Variants in ESR2 observed in about 807,000 individuals in gnomAD.
ESR2 encodes the protein estrogen receptor 2, also known as estrogen receptor beta.
ESR2 carries 36 observed loss-of-function variants against 49.6 expected under a neutral mutation model. The ratio of observed to expected loss-of-function variants is 0.73; its 90% CI spans 0.56 to 0.96. The LOEUF is 0.96. Ranked by LOEUF, ESR2 falls within the 40% of genes least tolerant of loss-of-function variation. ESR2 has a pLI of 0.00. For synonymous variants in ESR2, 320 were observed against 266.1 expected (o/e 1.20, Z -1.97); for missense variants, 714 against 693.0 (o/e 1.03, Z -0.34).
At chr14:64,326,691 A>G (rs1262967873) in intron 1 of ESR2, among the ~76,000 whole-genome samples, 1 of 152,164 alleles carries the variant, frequency 6.6e-6, no homozygotes, top group East Asian at 1.9e-4. Flanking sequence ...TCCAAAAACA[A>G]CCCTGGATTT....
At chr14:64,234,874 C>T in intron 8 of ESR2, 96 bp downstream of exon 8, 1 of 1,541,248 alleles carries the variant, frequency 6.5e-7, no homozygotes, top group Non-Finnish European at 8.8e-7. Context: ...ATTCATTTTC[C>T]TTAACTTGCA....
chr14:64,320,078 C>A (rs917882134), intron 1 of ESR2, among the ~76,000 whole-genome samples: 1 of 150,968 alleles, frequency 6.6e-6, no homozygotes, highest in South Asian at 2.1e-4. Context: ...TAAGTCTGCA[C>A]AACAGAATAT....
Position 64,286,191 on chromosome 14 carries a change from C to G in ESR2, c.-90-3116G>C, listed in dbSNP as rs1208714384. 2.6e-5 allele frequency among the ~76,000 whole-genome samples: 4 copies of G among 151,886 alleles called. No homozygotes were observed. In the East Asian group the frequency reaches 5.8e-4, roughly 22 times the overall value. Reference sequence around the variant, plus strand: ...CAACATTGTAAATCAAAAATTTGGACCAAGGAGAGGAGAGAGAATGGTAGC... The same window carrying G: ...CAACATTGTAAATCAAAAATTTGGAGCAAGGAGAGGAGAGAGAATGGTAGC... On this transcript the variant is annotated intron_variant, in intron 1 of 8. Coordinates refer to ENST00000341099, the MANE Select transcript of ESR2 (RefSeq NM_001437.3).
At chr14:64,271,362 G>A (rs1261445385) in intron 3 of ESR2, among the ~76,000 whole-genome samples, 1 of 151,922 alleles carries the variant, frequency 6.6e-6, no homozygotes, top group Non-Finnish European at 1.5e-5. Flanking sequence ...GTCTCTCTCT[G>A]TCACCCAGGC....
At chr14:64,296,891 C>T (rs2076963825), upstream of ESR2, among the ~76,000 whole-genome samples, 1 of 152,146 alleles carries the variant, frequency 6.6e-6, no homozygotes. Flanking sequence ...GACAATGGTA[C>T]CCAGAGATGG....
intron 7 of ESR2, among the ~76,000 whole-genome samples, chr14:64,239,421 T>A (rs1168071044): frequency 6.6e-6 from 1 of 152,254 alleles, no homozygotes; most frequent in Non-Finnish European, 1.5e-5. Context: ...TTTCCTGGCT[T>A]AACCCCTCTA....
At chr14:64,318,330 A>C (rs1292272213) in intron 1 of ESR2, among the ~76,000 whole-genome samples, 3 of 151,854 alleles carry the variant, frequency 2.0e-5, no homozygotes, top group Admixed American at 1.3e-4. Flanking sequence ...TGAGGTTAGG[A>C]GTTCGAGACC....
intron 1 of ESR2, among the ~76,000 whole-genome samples, chr14:64,290,033 G>A (rs17179740): frequency 0.43 from 65,654 of 151,954 alleles, 14,813 homozygotes; most frequent in African/African-American, 0.54. Context: ...TAAGCAACAA[G>A]CATCCTTGAT....
At chr14:64,233,572 A>G (rs1266612085) in intron 8 of ESR2, 10 of 495,514 alleles carry the variant, frequency 2.0e-5, no homozygotes, top group Middle Eastern at 5.3e-4. Flanking sequence ...AGGACAATCA[A>G]TCCTCATTGT....
At chr14:64,311,619 G>A (rs1317822723) in intron 1 of ESR2, among the ~76,000 whole-genome samples, 2 of 150,604 alleles carry the variant, frequency 1.3e-5, no homozygotes, top group Non-Finnish European at 3.0e-5. Flanking sequence ...CTCCAGCCTG[G>A]GTGACAGAGG....
At chr14:64,310,811 A>G (rs2077180325) in intron 1 of ESR2, among the ~76,000 whole-genome samples, 1 of 152,182 alleles carries the variant, frequency 6.6e-6, no homozygotes, top group Admixed American at 6.5e-5. Context: ...GTAAGGCTAA[A>G]CACAGTAATA....
At chr14:64,255,836 C>A (rs1030830504) in intron 6 of ESR2, among the ~76,000 whole-genome samples, 3 of 152,216 alleles carry the variant, frequency 2.0e-5, no homozygotes, top group Non-Finnish European at 4.4e-5. Context: ...CATGGTTTAC[C>A]ACCTGGGCTT....
chr14:64,247,110 C>T (rs2075876751), intron 7 of ESR2, among the ~76,000 whole-genome samples: 1 of 151,990 alleles, frequency 6.6e-6, no homozygotes, highest in African/African-American at 2.4e-5. Flanking sequence ...GGTCTGTTGC[C>T]CATTTACAAA....
intron 1 of ESR2, among the ~76,000 whole-genome samples, chr14:64,305,197 A>G (rs2077074713): frequency 1.3e-5 from 2 of 149,518 alleles, no homozygotes; most frequent in South Asian, 4.3e-4. Flanking sequence ...AGGCTGAGGC[A>G]GGAGAATGGC....
At chr14:64,227,365 G>GGATT (rs1427903128), downstream of ESR2, 10 of 701,838 alleles carry the variant, frequency 1.4e-5, no homozygotes, top group Non-Finnish European at 2.3e-5. Flanking sequence ...TCAAATTGTT[G>GGATT]GATTGATAAT....
At chr14:64,251,553 A>G (rs1426349845) in intron 6 of ESR2, among the ~76,000 whole-genome samples, 1 of 152,196 alleles carries the variant, frequency 6.6e-6, no homozygotes, top group African/African-American at 2.4e-5. Flanking sequence ...TCATTAAAAT[A>G]TATGCCATTT....
intron 1 of ESR2, chr14:64,303,691 T>C (rs2077055664): frequency 6.6e-6 from 1 of 152,236 alleles, no homozygotes; most frequent in South Asian, 2.1e-4. Context: ...GACAAGTTTT[T>C]AGATCATTGT....
At chr14:64,319,116 C>T (rs1469152352) in intron 1 of ESR2, among the ~76,000 whole-genome samples, 1 of 151,794 alleles carries the variant, frequency 6.6e-6, no homozygotes, top group Non-Finnish European at 1.5e-5. Context: ...GAAATAGACT[C>T]ATCCAAAGTC....
chr14:64,245,082 A>G (rs1332922563), intron 7 of ESR2, among the ~76,000 whole-genome samples: 1 of 152,174 alleles, frequency 6.6e-6, no homozygotes, highest in African/African-American at 2.4e-5. Flanking sequence ...AATCCAGAAG[A>G]AAAAAGCCTG....
Sources: gnomAD v4.1 joint callset for allele counts (sites outside exome capture counted in the v4.1 genomes callset) on GRCh38, gnomAD v4.1.1 for gene constraint, MANE v1.5 for transcripts, NCBI Gene and HGNC (gene_info 2026-07-23, HGNC 2026-07-21) for gene names.